Variants in GALK2 observed in about 807,000 individuals in gnomAD.
The protein encoded by GALK2 is N-acetylgalactosamine kinase.
Under a neutral mutation model 52.4 loss-of-function variants are expected in GALK2, and 36 were observed. That is an observed-to-expected ratio of 0.69 (90% CI 0.53 to 0.91). The LOEUF (loss-of-function observed/expected upper bound fraction) is 0.91, where lower values mean the gene tolerates loss of function less well. GALK2 is among the 40% of genes least tolerant of loss of function. The pLI is 0.00. For synonymous variants in GALK2, 176 were observed against 199.1 expected (o/e 0.88, Z 0.98); for missense variants, 579 against 559.1 (o/e 1.04, Z -0.36).
intron 1 of GALK2, chr15:49,195,168 T>C (rs1161890645): frequency 4.5e-6 from 2 of 445,940 alleles, no homozygotes; most frequent in East Asian, 7.5e-5. Context: ...GCCTCCTGGG[T>C]TGAAGTGATT....
intron 5 of GALK2, among the ~76,000 whole-genome samples, chr15:49,260,336 A>G (rs1318830562): frequency 6.6e-6 from 1 of 151,470 alleles, no homozygotes; most frequent in Non-Finnish European, 1.5e-5. Flanking sequence ...GGCCAATTTC[A>G]TGTGTTTTTT....
upstream of GALK2, among the ~76,000 whole-genome samples, chr15:49,166,764 C>A (rs927971363): frequency 6.6e-6 from 1 of 152,064 alleles, no homozygotes; most frequent in African/African-American, 2.4e-5. Context: ...AAGACATAAA[C>A]AAGTATTACA....
At chr15:49,246,823 C>G (rs2091373995) in intron 5 of GALK2, among the ~76,000 whole-genome samples, 1 of 152,142 alleles carries the variant, frequency 6.6e-6, no homozygotes, top group Non-Finnish European at 1.5e-5. Flanking sequence ...ACTTCCTAAC[C>G]TACCACTTGA....
Position 49,239,384 on chromosome 15 carries a change from G to T in GALK2, c.504+17G>T. The T allele has an allele frequency of 6.2e-7, 1 of 1,611,226 alleles. No homozygotes were observed. The highest frequency in any genetic ancestry group is 1.7e-4 in the Middle Eastern group (1 of 6,054). The stretch of plus-strand genomic sequence containing the variant: ...CTATCCAAGGTAACTACCTTTGATA[G>T]GAAACCTCATAGAACCCTCTCCTAA... On this transcript the variant is annotated intron_variant, in intron 5 of 9. Coordinates refer to ENST00000560031, the MANE Select transcript of GALK2 (RefSeq NM_002044.4).
At chr15:49,189,429 C>T (rs950424347) in intron 1 of GALK2, among the ~76,000 whole-genome samples, 2 of 152,120 alleles carry the variant, frequency 1.3e-5, no homozygotes, top group African/African-American at 2.4e-5. Context: ...CCCAAGACCC[C>T]TCAGTAGATG....
chr15:49,234,152 A>AT (rs772136446), intron 3 of GALK2, among the ~76,000 whole-genome samples: 2 of 152,162 alleles, frequency 1.3e-5, no homozygotes, highest in Admixed American at 6.5e-5. Context: ...CTCCTCTTTA[A>AT]TTGATTCTCC....
chr15:49,212,801 T>C (rs1282124987), intron 2 of GALK2, among the ~76,000 whole-genome samples: 1 of 152,202 alleles, frequency 6.6e-6, no homozygotes, highest in African/African-American at 2.4e-5. Context: ...AGTGTTTGCT[T>C]AGTTTCCAAA....
chr15:49,215,733 C>G (rs1225049556), intron 2 of GALK2, among the ~76,000 whole-genome samples: 3 of 152,208 alleles, frequency 2.0e-5, no homozygotes, highest in African/African-American at 4.8e-5. Flanking sequence ...GGATTGGTCA[C>G]TGGTGTCTTC....
intron 1 of GALK2, among the ~76,000 whole-genome samples, chr15:49,186,165 T>A (rs575803556): frequency 6.6e-6 from 1 of 152,298 alleles, no homozygotes; most frequent in East Asian, 1.9e-4. Flanking sequence ...TTTATAAAGT[T>A]CTCTTTTATT....
intron 6 of GALK2, 27 bp from the exon 7 acceptor site, chr15:49,283,539 T>C (rs1294818951): frequency 6.4e-7 from 1 of 1,574,094 alleles, no homozygotes; most frequent in East Asian, 2.2e-5. Flanking sequence ...ATAAATTATA[T>C]TTCTCCTTTC....
At position 49,319,647 on chromosome 15, in the gene GALK2, C is replaced by T. The variant is rs771720042; in HGVS notation, c.1011C>T (p.Ser337=). 8.1e-6 allele frequency: 13 copies of T among 1,614,120 alleles called. No individual in the cohort carries two copies. Among genetic ancestry groups the T allele is most frequent in the South Asian group, 5.5e-5 (5 of 91,064 alleles). Residue 337 remains serine (S), a synonymous_variant, in exon 9 of 10, where the codon AGC becomes AGT. Coordinates refer to ENST00000560031, the MANE Select transcript of GALK2 (RefSeq NM_002044.4). ...ATCAGCGGGCAAAGCATGTGTACAG[C>T]GAGGCTGCGCGAGTGCTCCAGTTTA... ...KLYQRAKHVY[S]EAARVLQFKK... is the part of the protein sequence containing the mutation.
chr15:49,321,374 G>T (rs149588658), intron 9 of GALK2, among the ~76,000 whole-genome samples: 296 of 152,322 alleles, frequency 1.9e-3, no homozygotes, highest in Non-Finnish European at 1.7e-3. Flanking sequence ...CATATAGGCC[G>T]TGTAGGCCAT....
chr15:49,289,795 C>T (rs893552819), intron 7 of GALK2, among the ~76,000 whole-genome samples: 4 of 152,120 alleles, frequency 2.6e-5, no homozygotes, highest in Admixed American at 1.3e-4. Flanking sequence ...AATTCTTACC[C>T]TCAAATTTTT....
intron 9 of GALK2, among the ~76,000 whole-genome samples, chr15:49,323,475 C>A: frequency 6.6e-6 from 1 of 152,144 alleles, no homozygotes; most frequent in East Asian, 1.9e-4. Flanking sequence ...CTTTACATCA[C>A]CCTCCCTGGT....
At chr15:49,276,957 C>T (rs1046188092) in intron 5 of GALK2, among the ~76,000 whole-genome samples, 161 of 24,664 alleles carry the variant, frequency 6.5e-3, no homozygotes, top group East Asian at 8.5e-3. Flanking sequence ...TTTCTAGTTT[C>T]TTTTTTTCTT....
Position 49,235,912 on chromosome 15 carries a change from T to A in GALK2, c.328T>A (p.Tyr110Asn), listed in dbSNP as rs778142701. ...IDKTKPLWHN[Y>N]FLCGLKGIQE... ...TAAAACCAAGCCTTTGTGGCACAACTATTTCTTATGTGGACTTAAAGGAAT... is the reference window on the plus strand; with the variant it reads ...TAAAACCAAGCCTTTGTGGCACAACAATTTCTTATGTGGACTTAAAGGAAT... Residue 110 changes from tyrosine (Y) to asparagine (N), a missense_variant, in exon 4 of 10, where the codon TAT becomes AAT. By Grantham distance (143) the Tyr-to-Asn change is moderately radical. Transcript: ENST00000560031. 5 of 1,612,974 alleles carry A rather than the reference T, an allele frequency of 3.1e-6. No homozygotes were observed. The South Asian group carries it at 4.4e-5, about 14-fold the overall frequency.
In GALK2 at chr15:49,243,627, A is replaced by C. The variant is rs552893237; in HGVS notation, c.504+4260A>C. On this transcript the variant is annotated intron_variant, in intron 5 of 9. Transcript: ENST00000560031. The stretch of plus-strand genomic sequence containing the variant: ...AAAACCTACAAAATGAACCAAACAA[A>C]CAAAAAAAACAGAGAAAACAGGAAA... 6.6e-5 allele frequency among the ~76,000 whole-genome samples: 10 copies of C among 152,242 alleles called. No individual in the cohort carries two copies. The South Asian group carries it at 2.1e-3, about 32-fold the overall frequency.
chr15:49,155,890 G>A (rs2084432014), exon 1 of GALK2: 1 of 1,270,936 alleles, frequency 7.9e-7, no homozygotes, highest in South Asian at 1.3e-5. Flanking sequence ...CAGCCTCCTG[G>A]GTAAAGGAGC....
chr15:49,222,057 G>A (rs2089834288), intron 3 of GALK2, among the ~76,000 whole-genome samples: 1 of 151,946 alleles, frequency 6.6e-6, no homozygotes, highest in African/African-American at 2.4e-5. Context: ...CTTTTCATTT[G>A]TTTGTGTCCT....
Sources: gnomAD v4.1 joint callset for allele counts (sites outside exome capture counted in the v4.1 genomes callset) on GRCh38, gnomAD v4.1.1 for gene constraint, MANE v1.5 for transcripts, NCBI Gene and HGNC (gene_info 2026-07-23, HGNC 2026-07-21) for gene names.